MICALL1: variants seen among roughly 807,000 people sequenced by gnomAD.
MICALL1 encodes the protein MICAL like 1.
Under a neutral mutation model 83.7 loss-of-function variants are expected in MICALL1, and 61 were observed. The ratio of observed to expected loss-of-function variants is 0.73; its 90% CI spans 0.59 to 0.90. The LOEUF is 0.90. MICALL1 is among the 40% of genes least tolerant of loss of function. The pLI is 0.00. For missense variants in MICALL1, 1,066 were observed against 1,152.0 expected (o/e 0.93, Z 1.08); for synonymous variants, 481 against 473.6 (o/e 1.02, Z -0.20).
intron 1 of MICALL1, among the ~76,000 whole-genome samples, chr22:37,910,887 C>T (rs963788958): frequency 6.6e-6 from 1 of 152,188 alleles, no homozygotes; most frequent in Non-Finnish European, 1.5e-5. Context: ...ACTGCTGATC[C>T]CCCCAACCCC....
At position 37,906,297 on chromosome 22, in the gene MICALL1, G is replaced by C; in HGVS notation, c.-126G>C. ...CGGCCCCGCCTCCGCCCCTCCCCTC[G>C]CCTGCCGGTCGGCGCCCGAGCTCGG... On this transcript the variant is annotated 5_prime_UTR_variant, in exon 1 of 16. Transcript: ENST00000215957. The surrounding 1 kb of genome is among the most constrained non-coding windows in gnomAD (Gnocchi z 4.4). 1 of 676,710 alleles carries C rather than the reference G, an allele frequency of 1.5e-6. No homozygotes were observed. The highest frequency in any genetic ancestry group is 1.8e-6 in the Non-Finnish European group (1 of 549,228). 41.9% of individuals were successfully genotyped at this position (676,710 alleles called of 1,614,324 possible).
In MICALL1 at chr22:37,917,733, C is replaced by A; in HGVS notation, c.364C>A (p.Leu122Ile). 1.9e-6 allele frequency: 3 copies of A among 1,613,938 alleles called. No individual in the cohort carries two copies. Among genetic ancestry groups the A allele is most frequent in the Non-Finnish European group, 2.5e-6 (3 of 1,179,910 alleles). ...QAGVSPPRKG[L>I]APCSPPSVAP... ...TGGTGTCTCGCCACCCAGAAAGGGCCTTGCACCCTGTTCCCCGCCGTCTGT... is the reference window on the plus strand; with the variant it reads ...TGGTGTCTCGCCACCCAGAAAGGGCATTGCACCCTGTTCCCCGCCGTCTGT... The change falls in exon 4 of 16, where the codon CTT becomes ATT. Residue 122 changes from leucine to isoleucine, a missense_variant. Leu to Ile is a conservative substitution (Grantham distance 5). Coordinates refer to ENST00000215957, the MANE Select transcript of MICALL1 (RefSeq NM_033386.4).
chr22:37,932,955 C>T lies in MICALL1; in HGVS notation c.2234+67C>T. The T allele has an allele frequency of 1.2e-6, 2 of 1,612,118 alleles. No homozygotes were observed. Among genetic ancestry groups the T allele is most frequent in the South Asian group, 2.2e-5 (2 of 91,056 alleles). On this transcript the variant is annotated intron_variant, in intron 12 of 15. Coordinates refer to ENST00000215957, the MANE Select transcript of MICALL1 (RefSeq NM_033386.4). The surrounding 1 kb of genome is among the most constrained non-coding windows in gnomAD (Gnocchi z 4.4). ...GAGCTTAGAATGGAGAACCCTTACCCTCTTCCCTCATCAGTAACAGCGCAG... is the reference window on the plus strand; with the variant it reads ...GAGCTTAGAATGGAGAACCCTTACCTTCTTCCCTCATCAGTAACAGCGCAG...
At position 37,906,690 on chromosome 22, in the gene MICALL1, G is replaced by A. The variant is rs1927971773; in HGVS notation, c.146+122G>A. On this transcript the variant is annotated intron_variant, in intron 1 of 15. Transcript: ENST00000215957. The surrounding 1 kb of genome is among the most constrained non-coding windows in gnomAD (Gnocchi z 4.4). The stretch of plus-strand genomic sequence containing the variant: ...CGCCGCCCCCGGACACGGAGACGCC[G>A]ACCCCCCCGACGGCCCCGGACGCCG... 17 of 910,574 alleles carry A rather than the reference G, an allele frequency of 1.9e-5. No individual in the cohort carries two copies. In the South Asian group the frequency reaches 7.3e-4, roughly 39 times the overall value. The allele number at this position is 910,574 out of a possible 1,614,324, so 56.4% of individuals were successfully genotyped here. A position where few individuals can be genotyped will look rare whatever the true frequency, so the allele number is the denominator to read the frequency against.
At chr22:37,917,292 C>T (rs1928738660) in intron 3 of MICALL1, among the ~76,000 whole-genome samples, 1 of 152,168 alleles carries the variant, frequency 6.6e-6, no homozygotes, top group Non-Finnish European at 1.5e-5. Flanking sequence ...CCTTGTCAAC[C>T]CCAAGGAGGC....
intron 3 of MICALL1, among the ~76,000 whole-genome samples, chr22:37,914,287 C>T (rs913362602): frequency 1.1e-4 from 17 of 151,148 alleles, no homozygotes; most frequent in East Asian, 2.0e-4. Flanking sequence ...AGTGCAATGG[C>T]GCGGTCTCAG....
rs1927947411 is a variant in MICALL1 at position 37,906,486 on chromosome 22, G to A, written c.64G>A (p.Val22Met). Reference protein sequence around the residue: ...CRRQCEGYRGVEIRDLSSSFR... With the variant: ...CRRQCEGYRGMEIRDLSSSFR... ...CCGCCAGTGCGAGGGCTACCGCGGC[G>A]TGGAGATCCGCGACCTGAGCAGCTC... The change falls in exon 1 of 16, where the codon GTG (valine) becomes ATG (methionine). Residue 22 changes from valine (V) to methionine (M), a missense_variant. Coordinates refer to ENST00000215957, the MANE Select transcript of MICALL1 (RefSeq NM_033386.4). The surrounding 1 kb of genome is among the most constrained non-coding windows in gnomAD (Gnocchi z 4.4). The A allele has an allele frequency of 2.4e-6, 3 of 1,253,610 alleles. No homozygotes were observed. The highest frequency in any genetic ancestry group is 1.0e-6 in the Non-Finnish European group (1 of 988,046). 77.7% of individuals were successfully genotyped at this position (1,253,610 alleles called of 1,614,324 possible).
chr22:37,916,201 T>G (rs372218895), intron 3 of MICALL1, among the ~76,000 whole-genome samples: 8 of 152,234 alleles, frequency 5.3e-5, no homozygotes, highest in African/African-American at 1.9e-4. Context: ...CCGTGCTGAG[T>G]GTGGGCATGG....
At chr22:37,931,231 T>G (rs1350551410) in intron 9 of MICALL1, among the ~76,000 whole-genome samples, 4 of 152,078 alleles carry the variant, frequency 2.6e-5, no homozygotes, top group Admixed American at 2.6e-4. Context: ...TAATATCCAC[T>G]TGGCAGGGTG....
intron 3 of MICALL1, 146 bp from the exon 4 acceptor site, chr22:37,917,556 CGTGTG>C (rs201924607): frequency 0.019 from 12,447 of 657,162 alleles, 183 homozygotes; most frequent in South Asian, 0.033. Context: ...TCCCCGGGCC[CGTGTG>C]AAGCGGGAGC....
At chr22:37,940,570 C>T (rs547748582) in intron 15 of MICALL1, 139 bp from the exon 16 acceptor site, 6 of 1,020,616 alleles carry the variant, frequency 5.9e-6, no homozygotes, top group East Asian at 2.6e-5. Context: ...TGTCTTGTCC[C>T]TCCCAGGCTC....
intron 4 of MICALL1, 66 bp from the exon 5 acceptor site, chr22:37,918,970 G>A: frequency 6.9e-7 from 1 of 1,455,150 alleles, no homozygotes; most frequent in South Asian, 1.4e-5. Context: ...GGAGAGGGCA[G>A]TGATGTGAAC....
chr22:37,940,940 T>C lies in MICALL1; in HGVS notation c.*110T>C. The C allele has an allele frequency of 7.1e-7, 1 of 1,399,898 alleles. No homozygotes were observed. The highest frequency in any genetic ancestry group is 9.8e-7 in the Non-Finnish European group (1 of 1,024,520). 86.7% of individuals were successfully genotyped at this position (1,399,898 alleles called of 1,614,324 possible). A position where few individuals can be genotyped will look rare whatever the true frequency, so the allele number is the denominator to read the frequency against. ...TCAGATCAGTCAGGAGGAAGATGAC[T>C]AAGGGGAGGGATCCTCTGGGTGATG... On this transcript the variant is annotated 3_prime_UTR_variant, in exon 16 of 16. Coordinates refer to ENST00000215957, the MANE Select transcript of MICALL1 (RefSeq NM_033386.4).
In MICALL1 at chr22:37,930,748, T is replaced by TG. The variant is rs1929744813; in HGVS notation, c.1882-1048dup. Among the ~76,000 whole-genome samples the TG allele has an allele frequency of 6.6e-6, 1 of 152,200 alleles. No homozygotes were observed. The highest frequency in any genetic ancestry group is 1.5e-5 in the Non-Finnish European group (1 of 68,022). ...ACGGAAGGATGCAGAGCCTGGGCTC[T>TG]GGGTGTGTGGGTACTGGGCTGTGCA... On this transcript the variant is annotated intron_variant, in intron 9 of 15. Coordinates refer to ENST00000215957, the MANE Select transcript of MICALL1 (RefSeq NM_033386.4). This position sits in a 1 kb window ranked among gnomAD's most constrained non-coding sequence, Gnocchi z 4.8.
intron 4 of MICALL1, among the ~76,000 whole-genome samples, chr22:37,918,715 G>T (rs1408720810): frequency 2.0e-5 from 3 of 152,236 alleles, no homozygotes; most frequent in Middle Eastern, 3.2e-3. Flanking sequence ...AAGGGGAAGG[G>T]GCTGCACAGC....
At position 37,923,206 on chromosome 22, in the gene MICALL1, C is replaced by T. The variant is rs1018258945; in HGVS notation, c.1024+780C>T. On this transcript the variant is annotated intron_variant, in intron 6 of 15. Coordinates refer to ENST00000215957, the MANE Select transcript of MICALL1 (RefSeq NM_033386.4). ...TCAGCCTCTCAAAGTGCTGGGAGTA[C>T]AGGCATGAGCCACTGTGCCGGGCTC... is the stretch of plus-strand genomic sequence containing the variant. 2.0e-5 allele frequency among the ~76,000 whole-genome samples: 3 copies of T among 149,330 alleles called. No individual in the cohort carries two copies. In the South Asian group the frequency reaches 6.4e-4, roughly 32 times the overall value.
Position 37,922,111 on chromosome 22 carries a change from C to G in MICALL1, c.709C>G (p.Pro237Ala). ...GACCAGGCCTGGGCCCTTCTCACAG[C>G]CAAAGCAGCAGCACCAGCAGCAACT... is the stretch of plus-strand genomic sequence containing the variant. ...SGTRPGPFSQ[P>A]KQQHQQQLAE... The change falls in exon 6 of 16, where the codon CCA becomes GCA. Residue 237 changes from proline to alanine, a missense_variant. By Grantham distance (27) the Pro-to-Ala change is conservative. Transcript: ENST00000215957. 6.2e-7 allele frequency: 1 copy of G among 1,613,318 alleles called. No homozygotes were observed. Among genetic ancestry groups the G allele is most frequent in the African/African-American group, 1.3e-5 (1 of 75,048 alleles).
chr22:37,936,903 CA>C (rs113465303), intron 13 of MICALL1, among the ~76,000 whole-genome samples, 176 bp from the exon 14 acceptor site: 9 of 145,618 alleles, frequency 6.2e-5, no homozygotes, highest in Non-Finnish European at 6.1e-5. Flanking sequence ...AAAAAAAAAA[CA>C]AAAAAAAAAG....
chr22:37,932,590 A>G lies in MICALL1; in HGVS notation c.2054A>G (p.His685Arg), dbSNP rs34834842. The change falls in exon 11 of 16, where the codon CAT (histidine) becomes CGT (arginine). Residue 685 changes from histidine (H) to arginine (R), a missense_variant. His to Arg is a conservative substitution (Grantham distance 29, BLOSUM62 0). Coordinates refer to ENST00000215957, the MANE Select transcript of MICALL1 (RefSeq NM_033386.4). The surrounding 1 kb of genome is among the most constrained non-coding windows in gnomAD (Gnocchi z 4.4). ...CAGTACATCCCTGAGGAGGACATCC[A>G]TGGAGAGATGGATACCATTGAGCGC... ...ADQYIPEEDI[H>R]GEMDTIERRL... is the part of the protein sequence containing the mutation. The G allele has an allele frequency of 0.03, 48,546 of 1,614,162 alleles. 859 individuals carry two copies. Among genetic ancestry groups the G allele is most frequent in the Non-Finnish European group, 0.036 (42,540 of 1,180,010 alleles).
Sources: gnomAD v4.1 joint callset for allele counts (sites outside exome capture counted in the v4.1 genomes callset) on GRCh38, gnomAD v4.1.1 for gene constraint, Gnocchi (gnomAD v3.1) non-coding constraint, MANE v1.5 for transcripts, NCBI Gene and HGNC (gene_info 2026-07-23, HGNC 2026-07-21) for gene names.